Variants in KANSL1 observed in about 807,000 individuals in gnomAD.
KANSL1 encodes KAT8 regulatory NSL complex subunit 1.
KANSL1 carries 22 observed loss-of-function variants against 103.6 expected under a neutral mutation model. That is an observed-to-expected ratio of 0.21 (90% CI 0.15 to 0.30). The LOEUF (loss-of-function observed/expected upper bound fraction) is 0.30. KANSL1 is among the 10% of genes least tolerant of loss of function. The probability of loss-of-function intolerance (pLI) is 1.00; values close to 1 mark genes in which losing one functional copy is unlikely to be tolerated. For missense variants in KANSL1, 1,337 were observed against 1,399.8 expected (o/e 0.96, Z 0.72); for synonymous variants, 600 against 527.6 (o/e 1.14, Z -1.88).
intron 2 of KANSL1, among the ~76,000 whole-genome samples, chr17:46,127,382 A>G (rs918091824): frequency 6.6e-6 from 1 of 152,264 alleles, no homozygotes; most frequent in African/African-American, 2.4e-5. Context: ...ATCAAGTTAG[A>G]AACAGTTTTA....
chr17:46,165,969 G>A (rs1001322839), intron 2 of KANSL1, among the ~76,000 whole-genome samples: 4 of 151,452 alleles, frequency 2.6e-5, no homozygotes, highest in East Asian at 3.9e-4. Context: ...CCAGCACTTC[G>A]GTAGGCCAAG....
At chr17:46,058,743 ACTCTCTCTCTCTCTCTCT>A (rs756932556) in intron 6 of KANSL1, among the ~76,000 whole-genome samples, 1,224 of 67,984 alleles carry the variant, frequency 0.018, 39 homozygotes, top group East Asian at 0.15. Context: ...ACACACACAC[ACTCTCTCTCTCTCTCTCT>A]CTCTCTCTCT....
chr17:46,190,204 G>GA (rs2047247830), intron 1 of KANSL1, among the ~76,000 whole-genome samples: 1 of 152,304 alleles, frequency 6.6e-6, no homozygotes, highest in Admixed American at 6.5e-5. Flanking sequence ...TGACAGTGAA[G>GA]AAAAAAGTTT....
At chr17:46,061,928 C>T (rs944750798) in intron 6 of KANSL1, among the ~76,000 whole-genome samples, 6 of 151,988 alleles carry the variant, frequency 3.9e-5, no homozygotes, top group African/African-American at 1.4e-4. Flanking sequence ...CTTGTCTCTA[C>T]TAAAAATACA....
chr17:46,121,489 C>T (rs774116048), intron 2 of KANSL1, among the ~76,000 whole-genome samples: 4 of 152,214 alleles, frequency 2.6e-5, no homozygotes, highest in Non-Finnish European at 4.4e-5. Flanking sequence ...AATGCTCACA[C>T]AGCTGACTTC....
At chr17:46,056,693 G>T (rs535046708) in intron 6 of KANSL1, among the ~76,000 whole-genome samples, 2 of 152,298 alleles carry the variant, frequency 1.3e-5, no homozygotes, top group South Asian at 4.1e-4. Flanking sequence ...TAAGTCACAT[G>T]ACATCCTTAA....
At position 46,052,963 on chromosome 17, in the gene KANSL1, C is replaced by CAAAAAAAAAAAAAAAAAAAAAAA. The variant is rs2077769956; in HGVS notation, c.1849-2260_1849-2259insTTTTTTTTTTTTTTTTTTTTTTT. Reference sequence around the variant, plus strand: ...TGGGAAAAAGAGTAAGATCCTGTCTCCAAAAAAAAAAAAAAAAAAAAAAAA... The same window carrying CAAAAAAAAAAAAAAAAAAAAAAA: ...TGGGAAAAAGAGTAAGATCCTGTCTCAAAAAAAAAAAAAAAAAAAAAAACAAAAAAAAAAAAAAAAAAAAAAAA... On this transcript the variant is annotated intron_variant, in intron 6 of 14. Coordinates refer to ENST00000432791, the MANE Select transcript of KANSL1 (RefSeq NM_015443.4). Among the ~76,000 whole-genome samples the CAAAAAAAAAAAAAAAAAAAAAAA allele has an allele frequency of 4.6e-5, 2 of 43,140 alleles. 1 individual carries two copies. Among genetic ancestry groups the CAAAAAAAAAAAAAAAAAAAAAAA allele is most frequent in the African/African-American group, 2.0e-4 (2 of 9,806 alleles). The allele number at this position is 43,140 out of a possible 152,430, so 28.3% of individuals were successfully genotyped here. A position where few individuals can be genotyped will look rare whatever the true frequency, so the allele number is the denominator to read the frequency against.
chr17:46,051,570 G>A (rs1471227656), intron 6 of KANSL1, among the ~76,000 whole-genome samples: 2 of 152,170 alleles, frequency 1.3e-5, no homozygotes, highest in Admixed American at 6.5e-5. Context: ...CTGAATGCAG[G>A]ATCCCTACAT....
chr17:46,171,789 C>G lies in KANSL1; in HGVS notation c.355G>C (p.Glu119Gln). 6.2e-7 allele frequency: 1 copy of G among 1,613,096 alleles called. No individual in the cohort carries two copies. The highest frequency in any genetic ancestry group is 8.5e-7 in the Non-Finnish European group (1 of 1,179,502). ...CTCCCCAACAGCTCAGCTCGGAGTT[C>G]ATAGGACTGAGATAAGAGAGGATGA... ...KSHPLLSQSY[E>Q]LRAELLGRQP... The change falls in exon 2 of 15, where the codon GAA becomes CAA. Residue 119 changes from glutamate to glutamine, a missense_variant. Transcript: ENST00000432791.
At chr17:46,056,862 G>T (rs2077950112) in intron 6 of KANSL1, among the ~76,000 whole-genome samples, 1 of 152,234 alleles carries the variant, frequency 6.6e-6, no homozygotes. Context: ...GTGGGGCACA[G>T]TCCTGTGCAC....
At chr17:46,145,702 G>A (rs1241796573) in intron 2 of KANSL1, among the ~76,000 whole-genome samples, 2 of 152,198 alleles carry the variant, frequency 1.3e-5, no homozygotes, top group South Asian at 2.1e-4. Context: ...TAGGAAATGA[G>A]CATGGAGGTG....
intron 4 of KANSL1, 120 bp downstream of exon 4, chr17:46,082,321 A>C: frequency 1.7e-6 from 1 of 604,092 alleles, no homozygotes; most frequent in Non-Finnish European, 2.9e-6. Context: ...AAGTGATAAA[A>C]GTAGATACAG....
chr17:46,112,480 T>C (rs2042859729), intron 2 of KANSL1, among the ~76,000 whole-genome samples: 2 of 150,312 alleles, frequency 1.3e-5, no homozygotes, highest in South Asian at 2.1e-4. Context: ...AGGTCAGGAA[T>C]TCGAGACCGG....
At chr17:46,204,344 A>G (rs2047897161) in intron 1 of KANSL1, among the ~76,000 whole-genome samples, 1 of 152,198 alleles carries the variant, frequency 6.6e-6, no homozygotes, top group Non-Finnish European at 1.5e-5. Context: ...AGGGGCCTGT[A>G]ATCCTAGCTA....
At chr17:46,036,996 A>T (rs62062324) in intron 10 of KANSL1, among the ~76,000 whole-genome samples, 21,755 of 152,166 alleles carry the variant, frequency 0.14, 2,106 homozygotes, top group Non-Finnish European at 0.22. Flanking sequence ...ATTATAGGTG[A>T]GCGCCACTGT....
At position 46,171,617 on chromosome 17, in the gene KANSL1, A is replaced by G. The variant is rs1253238507; in HGVS notation, c.527T>C (p.Leu176Pro). ...THSDHDNSTSLNGGKRALTSS... is the reference protein window; with the variant it reads ...THSDHDNSTSPNGGKRALTSS... ...AGTGAGAGCCCGTTTTCCCCCATTGAGGGAAGTGGAATTGTCATGATCAGA... is the reference window on the plus strand; with the variant it reads ...AGTGAGAGCCCGTTTTCCCCCATTGGGGGAAGTGGAATTGTCATGATCAGA... The change falls in exon 2 of 15, where the codon CTC (leucine) becomes CCC (proline). Residue 176 changes from leucine (L) to proline (P), a missense_variant. Transcript: ENST00000432791. The G allele has an allele frequency of 6.3e-7, 1 of 1,576,146 alleles. No homozygotes were observed. The highest frequency in any genetic ancestry group is 1.9e-5 in the Admixed American group (1 of 51,668).
intron 6 of KANSL1, among the ~76,000 whole-genome samples, chr17:46,061,531 A>G (rs1399860882): frequency 6.6e-6 from 1 of 152,148 alleles, no homozygotes; most frequent in African/African-American, 2.4e-5. Context: ...GAAACACACA[A>G]TAAATAGCAA....
chr17:46,178,193 C>T (rs1489984885), intron 1 of KANSL1, among the ~76,000 whole-genome samples: 1 of 151,750 alleles, frequency 6.6e-6, no homozygotes, highest in Non-Finnish European at 1.5e-5. Flanking sequence ...GAAAGACTGT[C>T]AAATTTAAGC....
chr17:46,174,315 G>C (rs1409682419), intron 1 of KANSL1, among the ~76,000 whole-genome samples: 2 of 152,100 alleles, frequency 1.3e-5, no homozygotes, highest in African/African-American at 4.8e-5. Flanking sequence ...CTCCCGTGTA[G>C]CTGGGACTAC....
Sources: allele counts gnomAD v4.1 joint callset (sites outside exome capture counted in the v4.1 genomes callset), GRCh38; gene constraint gnomAD v4.1.1; transcripts MANE v1.5; gene names NCBI Gene and HGNC (gene_info 2026-07-23, HGNC 2026-07-21).